RAB33B: variants seen among roughly 807,000 people sequenced by gnomAD.
The protein encoded by RAB33B is RAB33B, member RAS oncogene family.
In RAB33B, 6 loss-of-function variants were observed where a neutral mutation model predicts 15.0. The ratio of observed to expected loss-of-function variants is 0.40; its 90% CI spans 0.22 to 0.79. RAB33B has a LOEUF of 0.79. Ranked by LOEUF, RAB33B falls within the 30% of genes least tolerant of loss-of-function variation. The pLI is 0.37. For missense variants in RAB33B, 257 were observed against 296.4 expected (o/e 0.87, Z 0.98); for synonymous variants, 117 against 108.3 (o/e 1.08, Z -0.50).
the RAB33B span, among the ~76,000 whole-genome samples, chr4:139,447,665 T>TC: frequency 1.7e-3 from 225 of 132,884 alleles, no homozygotes; most frequent in African/African-American, 5.3e-3. Context: ...CTACTTTTTT[T>TC]TTTTTTTTTT....
At chr4:139,472,617 G>A in intron 1 of RAB33B, 69 bp from the exon 2 acceptor site, 1 of 1,106,134 alleles carries the variant, frequency 9.0e-7, no homozygotes, top group Non-Finnish European at 1.3e-6. Context: ...AATGCAAGAT[G>A]ATTACATTTC....
the RAB33B span, among the ~76,000 whole-genome samples, chr4:139,440,204 T>C: frequency 6.6e-6 from 1 of 152,240 alleles, no homozygotes; most frequent in Non-Finnish European, 1.5e-5. Flanking sequence ...CAGAGGTCTT[T>C]TCTGAGCCTG....
upstream of RAB33B, chr4:139,452,577 T>G (rs1393496485): frequency 6.6e-6 from 1 of 152,194 alleles, no homozygotes; most frequent in Non-Finnish European, 1.5e-5. Flanking sequence ...TTAACCTTCA[T>G]GAAAATAACC....
chr4:139,454,341 T>C lies in RAB33B; in HGVS notation c.146T>C (p.Leu49Pro). 6.2e-7 allele frequency: 1 copy of C among 1,614,130 alleles called. No homozygotes were observed. Among genetic ancestry groups the C allele is most frequent in the South Asian group, 1.1e-5 (1 of 91,082 alleles). The change falls in exon 1 of 2, where the codon CTG (leucine) becomes CCG (proline). Residue 49 changes from leucine (L) to proline (P), a missense_variant. Leu to Pro is a moderately conservative substitution (Grantham distance 98). Transcript: ENST00000305626. ...GACTCCAATGTGGGCAAGACATGCC[T>C]GACCTACCGCTTCTGCGCTGGCCGC... ...IGDSNVGKTCLTYRFCAGRFP... is the reference protein window; with the variant it reads ...IGDSNVGKTCPTYRFCAGRFP...
intron 1 of RAB33B, among the ~76,000 whole-genome samples, chr4:139,467,050 C>G (rs1311981673): frequency 1.4e-5 from 2 of 147,000 alleles, no homozygotes; most frequent in African/African-American, 2.5e-5. Flanking sequence ...CTCACTGCAG[C>G]CTCTGTCTCC....
intron 1 of RAB33B, among the ~76,000 whole-genome samples, chr4:139,465,272 G>C (rs1409216402): frequency 6.6e-6 from 1 of 152,098 alleles, no homozygotes; most frequent in Non-Finnish European, 1.5e-5. Flanking sequence ...TAAGTTCTTT[G>C]TAGATTCTGG....
intron 1 of RAB33B, among the ~76,000 whole-genome samples, chr4:139,469,703 G>A (rs1442407533): frequency 6.6e-6 from 1 of 152,154 alleles, no homozygotes; most frequent in Non-Finnish European, 1.5e-5. Context: ...ATCTGCCTTA[G>A]GGGTTACCCT....
rs1330765930 is a variant in RAB33B at position 139,476,073 on chromosome 4, TG to T, written c.*2948del. On this transcript the variant is annotated 3_prime_UTR_variant, in exon 2 of 2. Coordinates refer to ENST00000305626, the MANE Select transcript of RAB33B (RefSeq NM_031296.3). Reference sequence around the variant, plus strand: ...GGACAATTATTTTCTTGTATACATTTGAGGTCAAAGAACACTTCAGGAAAAA... The same window carrying T: ...GGACAATTATTTTCTTGTATACATTTAGGTCAAAGAACACTTCAGGAAAAA... The T allele has an allele frequency of 6.6e-6, 1 of 152,194 alleles. No individual in the cohort carries two copies. Among genetic ancestry groups the T allele is most frequent in the African/African-American group, 2.4e-5 (1 of 41,454 alleles). The allele number at this position is 152,194 out of a possible 1,614,324, so 9.4% of individuals were successfully genotyped here. A position where few individuals can be genotyped will look rare whatever the true frequency, so the allele number is the denominator to read the frequency against.
At chr4:139,459,627 A>T (rs866574432) in intron 1 of RAB33B, among the ~76,000 whole-genome samples, 12 of 132,256 alleles carry the variant, frequency 9.1e-5, no homozygotes, top group Non-Finnish European at 1.2e-4. Flanking sequence ...TGTCTAGTTC[A>T]GTTCTTTTTT....
At chr4:139,465,078 A>G (rs942867973) in intron 1 of RAB33B, among the ~76,000 whole-genome samples, 15 of 152,182 alleles carry the variant, frequency 9.9e-5, no homozygotes, top group Non-Finnish European at 1.6e-4. Context: ...AGTGATCGCC[A>G]TTCTAACTGG....
In RAB33B at chr4:139,473,017, C is replaced by T; in HGVS notation, c.581C>T (p.Thr194Ile). 1 of 1,614,076 alleles carries T rather than the reference C, an allele frequency of 6.2e-7. No homozygotes were observed. The highest frequency in any genetic ancestry group is 8.5e-7 in the Non-Finnish European group (1 of 1,179,944). The change falls in exon 2 of 2, where the codon ACC becomes ATC. Residue 194 changes from threonine (T) to isoleucine (I), a missense_variant. Thr to Ile is a moderately conservative substitution (Grantham distance 89, BLOSUM62 -1). Coordinates refer to ENST00000305626, the MANE Select transcript of RAB33B (RefSeq NM_031296.3). ...GACCATGTGGAAGCTATATTTATGA[C>T]CTTGGCTCATAAGCTTAAGAGCCAC... ...DNDHVEAIFM[T>I]LAHKLKSHKP...
chr4:139,459,541 A>G (rs1579175002), intron 1 of RAB33B, among the ~76,000 whole-genome samples: 1 of 152,004 alleles, frequency 6.6e-6, no homozygotes. Context: ...CATTGCATAC[A>G]TACCTGTCTT....
At chr4:139,457,873 C>T (rs553805379) in intron 1 of RAB33B, among the ~76,000 whole-genome samples, 151 of 152,242 alleles carry the variant, frequency 9.9e-4, no homozygotes, top group African/African-American at 3.4e-3. Flanking sequence ...TACTCTCACC[C>T]CTCTCTTTGC....
At chr4:139,446,128 A>G in the RAB33B span, among the ~76,000 whole-genome samples, 2 of 152,196 alleles carry the variant, frequency 1.3e-5, no homozygotes, top group African/African-American at 4.8e-5. Context: ...TCCTGAAGGC[A>G]CAAATAAGTT....
chr4:139,472,540 G>C (rs1159004188), intron 1 of RAB33B, 146 bp from the exon 2 acceptor site: 4 of 600,414 alleles, frequency 6.7e-6, no homozygotes, highest in African/African-American at 5.5e-5. Flanking sequence ...GGATCCCATA[G>C]GTAACACTGA....
rs1176282934 is a variant in RAB33B, at chr4:139,454,280, G to A, written c.85G>A (p.Ala29Thr). 1 of 1,614,150 alleles carries A rather than the reference G, an allele frequency of 6.2e-7. No homozygotes were observed. Among genetic ancestry groups the A allele is most frequent in the Admixed American group, 1.7e-5 (1 of 60,022 alleles). Residue 29 changes from alanine (A) to threonine (T), a missense_variant, in exon 1 of 2, where the codon GCC becomes ACC. By Grantham distance (58) the Ala-to-Thr change is moderately conservative. Coordinates refer to ENST00000305626, the MANE Select transcript of RAB33B (RefSeq NM_031296.3). The stretch of plus-strand genomic sequence containing the variant: ...AGGGGCCTCAGGGTTTTTGCCTCCT[G>A]CCCGCTCCCGCATCTTCAAGATAAT... ...VSGASGFLPPARSRIFKIIVI... is the reference protein window; with the variant it reads ...VSGASGFLPPTRSRIFKIIVI...
chr4:139,445,248 C>A, the RAB33B span, among the ~76,000 whole-genome samples: 1 of 152,216 alleles, frequency 6.6e-6, no homozygotes, highest in Non-Finnish European at 1.5e-5. Flanking sequence ...CTGGCAAGGC[C>A]AGCAATATAC....
intron 1 of RAB33B, among the ~76,000 whole-genome samples, 197 bp downstream of exon 1, chr4:139,454,641 G>T (rs1750027828): frequency 6.6e-6 from 1 of 152,218 alleles, no homozygotes; most frequent in Non-Finnish European, 1.5e-5. Flanking sequence ...TTGTGCATGC[G>T]ATTTACCTGG....
chr4:139,459,835 T>C (rs557500936), intron 1 of RAB33B, among the ~76,000 whole-genome samples: 2 of 152,190 alleles, frequency 1.3e-5, no homozygotes, highest in Admixed American at 6.5e-5. Flanking sequence ...GGTTTCACCA[T>C]GTTGGCCAGG....
Sources: allele counts gnomAD v4.1 joint callset (sites outside exome capture counted in the v4.1 genomes callset), GRCh38; gene constraint gnomAD v4.1.1; transcripts MANE v1.5; gene names NCBI Gene and HGNC (gene_info 2026-07-23, HGNC 2026-07-21).